CEP135: variants seen among roughly 807,000 people sequenced by gnomAD.
CEP135 encodes centrosomal protein 135.
Under a neutral mutation model 157.3 loss-of-function variants are expected in CEP135, and 142 were observed. The ratio of observed to expected loss-of-function variants is 0.90; its 90% CI spans 0.79 to 1.04. CEP135 has a LOEUF of 1.04. Ranked by LOEUF, CEP135 falls within the 50% of genes least tolerant of loss-of-function variation. The pLI, the probability that CEP135 is intolerant of heterozygous loss-of-function variation, is 0.00. For synonymous variants in CEP135, 396 were observed against 439.8 expected (o/e 0.90, Z 1.25); for missense variants, 1,317 against 1,309.2 (o/e 1.01, Z -0.09).
chr4:55,958,047 A>C (rs976897963), intron 5 of CEP135, among the ~76,000 whole-genome samples: 11 of 152,240 alleles, frequency 7.2e-5, no homozygotes, highest in African/African-American at 2.4e-4. Flanking sequence ...TGTAGAATAC[A>C]CTAATGGAAA....
intron 23 of CEP135, among the ~76,000 whole-genome samples, chr4:56,019,844 C>A (rs542563279): frequency 4.7e-4 from 71 of 152,002 alleles, no homozygotes; most frequent in African/African-American, 1.6e-3. Flanking sequence ...GAGGCTGAAG[C>A]GTGAGAATCA....
Position 56,017,748 on chromosome 4 carries a change from C to A in CEP135, c.2903C>A (p.Ala968Glu). The A allele has an allele frequency of 6.2e-7, 1 of 1,613,860 alleles. No homozygotes were observed. The highest frequency in any genetic ancestry group is 8.5e-7 in the Non-Finnish European group (1 of 1,179,934). ...CTGAGACATCAAGAAGATGAGAAAG[C>A]AACAGTATTAAATGACTTGTCATCT... ...EELRHQEDEK[A>E]TVLNDLSSLR... The change falls in exon 22 of 26, where the codon GCA (alanine) becomes GAA (glutamate). Residue 968 changes from alanine (A) to glutamate (E), a missense_variant. Coordinates refer to ENST00000257287, the MANE Select transcript of CEP135 (RefSeq NM_025009.5).
chr4:56,024,688 A>G, intron 25 of CEP135, 74 bp downstream of exon 25: 3 of 1,006,046 alleles, frequency 3.0e-6, no homozygotes, highest in Non-Finnish European at 4.7e-6. Context: ...TTTCTGCATC[A>G]GGAAAGGGGA....
In CEP135 at chr4:56,020,733, A is replaced by T. The variant is rs530623756; in HGVS notation, c.3273A>T (p.Thr1091=). The part of the protein sequence containing the change: ...MLRAKVAQLQ[T]DYDALKRQIS... ...GAGCTAAAGTGGCACAGTTACAAAC[A>T]GATTATGATGCTCTGAAAAGGCAGA... Residue 1091 remains threonine (T), a synonymous_variant, in exon 24 of 26, where the codon ACA becomes ACT. Transcript: ENST00000257287. 1 of 1,613,702 alleles carries T rather than the reference A, an allele frequency of 6.2e-7. No homozygotes were observed. The highest frequency in any genetic ancestry group is 1.1e-5 in the South Asian group (1 of 90,998).
chr4:55,981,363 T>TA lies in CEP135; in HGVS notation c.1765dup (p.Arg589LysfsTer8). On this transcript the variant is annotated frameshift_variant, in exon 13 of 26. Transcript: ENST00000257287. LOFTEE classifies it high-confidence loss of function. Reference sequence around the variant, plus strand: ...AGAATTATGGCAGAAAAGGAAGCTTTAAGAGAAAAATTAGAGGTAAGAAGA... The same window carrying TA: ...AGAATTATGGCAGAAAAGGAAGCTTTAAAGAGAAAAATTAGAGGTAAGAAGA... 1 of 1,576,638 alleles carries TA rather than the reference T, an allele frequency of 6.3e-7. No homozygotes were observed. The highest frequency in any genetic ancestry group is 8.5e-7 in the Non-Finnish European group (1 of 1,169,618).
Position 56,020,768 on chromosome 4 carries a change from A to G in CEP135, c.3308A>G (p.Glu1103Gly), listed in dbSNP as rs759012981. ...GCTCTGAAAAGGCAGATCTCAACTG[A>G]AAGATACGAACGGTAAGACAAATTT... ...YDALKRQIST[E>G]RYERERAIQE... is the part of the protein sequence containing the mutation. The change falls in exon 24 of 26, where the codon GAA becomes GGA. Residue 1103 changes from glutamate (E) to glycine (G), a missense_variant. Glu to Gly is a moderately conservative substitution (Grantham distance 98). Coordinates refer to ENST00000257287, the MANE Select transcript of CEP135 (RefSeq NM_025009.5). The G allele has an allele frequency of 6.2e-7, 1 of 1,612,710 alleles. No homozygotes were observed. Among genetic ancestry groups the G allele is most frequent in the Non-Finnish European group, 8.5e-7 (1 of 1,179,326 alleles).
At chr4:55,955,587 T>G (rs369780526) in intron 4 of CEP135, among the ~76,000 whole-genome samples, 104 of 151,946 alleles carry the variant, frequency 6.8e-4, no homozygotes, top group African/African-American at 2.4e-3. Flanking sequence ...ACTAGAAGAT[T>G]AAGGCAAAAA....
intron 17 of CEP135, among the ~76,000 whole-genome samples, chr4:56,000,664 G>A (rs184113678): frequency 1.6e-3 from 243 of 152,290 alleles, no homozygotes; most frequent in African/African-American, 5.5e-3. Flanking sequence ...GCAAATGACA[G>A]CATTTCATTC....
intron 10 of CEP135, among the ~76,000 whole-genome samples, chr4:55,972,358 G>A (rs538666066): frequency 3.3e-5 from 5 of 152,178 alleles, no homozygotes; most frequent in Admixed American, 6.5e-5. Context: ...TAGTTGATAA[G>A]AGGTATTAAA....
At chr4:56,027,084 G>A (rs1731180548) in intron 25 of CEP135, among the ~76,000 whole-genome samples, 1 of 152,102 alleles carries the variant, frequency 6.6e-6, no homozygotes, top group Non-Finnish European at 1.5e-5. Flanking sequence ...TTTGATTAGG[G>A]CATTTATTTT....
Position 56,011,978 on chromosome 4 carries a change from T to C in CEP135, c.2795T>C (p.Ile932Thr). ...RERVELLEKE[I>T]QEHINAHHAY... Reference sequence around the variant, plus strand: ...AGAGTGGAGCTATTAGAAAAAGAAATTCAAGAGGTAATATATTTATTTGTT... The same window carrying C: ...AGAGTGGAGCTATTAGAAAAAGAAACTCAAGAGGTAATATATTTATTTGTT... Residue 932 changes from isoleucine to threonine, a missense_variant, in exon 21 of 26, where the codon ATT becomes ACT. Transcript: ENST00000257287. 2 of 1,531,676 alleles carry C rather than the reference T, an allele frequency of 1.3e-6. No homozygotes were observed. Among genetic ancestry groups the C allele is most frequent in the South Asian group, 1.3e-5 (1 of 78,648 alleles). 94.9% of individuals were successfully genotyped at this position (1,531,676 alleles called of 1,614,324 possible).
At chr4:55,961,634 C>T (rs1347292984) in intron 6 of CEP135, among the ~76,000 whole-genome samples, 2 of 151,390 alleles carry the variant, frequency 1.3e-5, no homozygotes, top group African/African-American at 2.4e-5. Context: ...TGTGGTGGCG[C>T]ATTCCTGTAA....
chr4:56,007,506 A>AG (rs1464293686), intron 17 of CEP135, among the ~76,000 whole-genome samples: 6 of 152,202 alleles, frequency 3.9e-5, no homozygotes, highest in African/African-American at 1.4e-4. Context: ...GCTGAGTAAT[A>AG]GAGAAGAGTT....
chr4:55,961,147 CCTTA>C lies in CEP135; in HGVS notation c.699+1385_699+1388del, dbSNP rs1728668126. On this transcript the variant is annotated intron_variant, in intron 6 of 25. Transcript: ENST00000257287. Reference sequence around the variant, plus strand: ...GAAATCATAATGTCAACCCCAAAAACCTTACTTCATGAAGAGATGTTGAAAATAT... The same window carrying C: ...GAAATCATAATGTCAACCCCAAAAACCTTCATGAAGAGATGTTGAAAATAT... Among the ~76,000 whole-genome samples the C allele has an allele frequency of 2.7e-5, 4 of 148,356 alleles. No individual in the cohort carries two copies. In the East Asian group the frequency reaches 8.1e-4, roughly 30 times the overall value.
intron 5 of CEP135, among the ~76,000 whole-genome samples, 179 bp downstream of exon 5, chr4:55,957,543 A>C (rs969281762): frequency 6.6e-6 from 1 of 152,224 alleles, no homozygotes. Flanking sequence ...ACTTGTTTTG[A>C]AACTTTGATC....
At chr4:55,957,540 T>C (rs1221460448) in intron 5 of CEP135, among the ~76,000 whole-genome samples, 176 bp downstream of exon 5, 1 of 152,256 alleles carries the variant, frequency 6.6e-6, no homozygotes, top group Non-Finnish European at 1.5e-5. Flanking sequence ...TTTACTTGTT[T>C]TGAAACTTTG....
At chr4:56,007,837 G>A (rs889866872) in intron 17 of CEP135, among the ~76,000 whole-genome samples, 1 of 152,074 alleles carries the variant, frequency 6.6e-6, no homozygotes, top group Non-Finnish European at 1.5e-5. Context: ...GAACTGACTC[G>A]TCCTCATATT....
intron 21 of CEP135, among the ~76,000 whole-genome samples, chr4:56,012,376 T>A (rs1396821664): frequency 6.6e-6 from 1 of 152,202 alleles, no homozygotes; most frequent in Non-Finnish European, 1.5e-5. Context: ...TTTATTGACC[T>A]GAGGTCGTAA....
At chr4:55,953,302 A>C (rs1195368069) in intron 3 of CEP135, 27 bp downstream of exon 3, 1 of 1,422,766 alleles carries the variant, frequency 7.0e-7, no homozygotes, top group African/African-American at 1.5e-5. Context: ...TAATTTTTAA[A>C]ATGCAATGTC....
Sources: allele counts gnomAD v4.1 joint callset (sites outside exome capture counted in the v4.1 genomes callset), GRCh38; gene constraint gnomAD v4.1.1; transcripts MANE v1.5; gene names NCBI Gene and HGNC (gene_info 2026-07-23, HGNC 2026-07-21).